The following INTS12 variants were observed in gnomAD, a reference collection of about 807,000 sequenced individuals.
INTS12 encodes PHD finger protein 22.
INTS12 carries 13 observed loss-of-function variants against 41.6 expected under a neutral mutation model. The ratio of observed to expected loss-of-function variants is 0.31; its 90% CI spans 0.20 to 0.50. The LOEUF (loss-of-function observed/expected upper bound fraction) is 0.50. Among genes scored for constraint, INTS12 ranks in the 20% least tolerant of loss-of-function variants. INTS12 has a pLI of 0.98. For missense variants in INTS12, 432 were observed against 541.6 expected (o/e 0.80, Z 2.01); for synonymous variants, 199 against 191.4 (o/e 1.04, Z -0.33).
chr4:105,708,325 CAATG>C, intron 1 of INTS12: 1 of 985,546 alleles, frequency 1.0e-6, no homozygotes. Flanking sequence ...AGATGAGAGA[CAATG>C]AGGGAGCTAC....
intron 1 of INTS12, chr4:105,705,758 T>G (rs940889600): frequency 3.3e-5 from 5 of 152,256 alleles, no homozygotes; most frequent in Non-Finnish European, 7.3e-5. Context: ...TTTCAGTTTT[T>G]CCTGCACATT....
At chr4:105,704,187 C>T (rs1732183259) in intron 1 of INTS12, among the ~76,000 whole-genome samples, 1 of 152,102 alleles carries the variant, frequency 6.6e-6, no homozygotes, top group African/African-American at 2.4e-5. Flanking sequence ...CAGCCTTTGT[C>T]CCACTATTCC....
chr4:105,695,398 GATTATTATATACCTATACCC>G, intron 4 of INTS12, 98 bp downstream of exon 4: 1 of 676,576 alleles, frequency 1.5e-6, no homozygotes, highest in Non-Finnish European at 2.3e-6. Flanking sequence ...ACTGAGTGTT[GATTATTATATACCTATACCC>G]ATTATTATAT....
At chr4:105,700,124 T>A in intron 2 of INTS12, 110 bp from the exon 3 acceptor site, 1 of 634,098 alleles carries the variant, frequency 1.6e-6, no homozygotes, top group Non-Finnish European at 2.3e-6. Context: ...ACACATGATA[T>A]AAAATTTAAA....
intron 5 of INTS12, among the ~76,000 whole-genome samples, chr4:105,692,846 G>A (rs1209480206): frequency 2.0e-5 from 3 of 152,174 alleles, no homozygotes; most frequent in Non-Finnish European, 4.4e-5. Flanking sequence ...CTAAAGGTGA[G>A]TACTGGACCT....
At position 105,686,717 on chromosome 4, in the gene INTS12, A is replaced by C; in HGVS notation, c.779T>G (p.Leu260Arg). ...ETKLKQETTF[L>R]AFKRTEVKTS... ...CTTGACTTCTGTTCTCTTAAACGCT[A>C]GAAAAGTTGTCTCTTGTTTCAGTTT... Residue 260 changes from leucine (L) to arginine (R), a missense_variant, in exon 7 of 8, where the codon CTA (leucine) becomes CGA (arginine). By Grantham distance (102) the Leu-to-Arg change is moderately radical. Transcript: ENST00000340139. The C allele has an allele frequency of 6.2e-7, 1 of 1,612,954 alleles. No individual in the cohort carries two copies. The highest frequency in any genetic ancestry group is 8.5e-7 in the Non-Finnish European group (1 of 1,179,146).
At chr4:105,697,798 C>T (rs796365876) in intron 3 of INTS12, among the ~76,000 whole-genome samples, 1 of 151,996 alleles carries the variant, frequency 6.6e-6, no homozygotes, top group Non-Finnish European at 1.5e-5. Flanking sequence ...GCCTGTAATC[C>T]CAGCACTTTG....
At chr4:105,708,247 A>G (rs1732372053) in intron 1 of INTS12, 1 of 985,438 alleles carries the variant, frequency 1.0e-6, no homozygotes, top group African/African-American at 1.7e-5. Context: ...AGGAATGTCA[A>G]TCCTTTGATC....
chr4:105,687,355 A>T (rs569018904), intron 6 of INTS12, among the ~76,000 whole-genome samples: 1 of 152,214 alleles, frequency 6.6e-6, no homozygotes, highest in Non-Finnish European at 1.5e-5. Flanking sequence ...AGGTTTTTCC[A>T]CATTGCAAAA....
chr4:105,708,562 C>CT lies in INTS12; in HGVS notation c.-172+75dup, dbSNP rs1732389752. 3.0e-6 allele frequency: 3 copies of CT among 985,224 alleles called. No homozygotes were observed. The South Asian group carries it at 1.4e-4, about 46-fold the overall frequency. 61.0% of individuals were successfully genotyped at this position (985,224 alleles called of 1,614,324 possible). ...AGGAAACTAATACCCCACGTAGCTA[C>CT]TCTCCCACCTCGCTCCTGGCGCGGG... On this transcript the variant is annotated intron_variant, in intron 1 of 7. Transcript: ENST00000340139.
At chr4:105,702,186 A>G (rs1351170920) in intron 2 of INTS12, among the ~76,000 whole-genome samples, 13 of 121,208 alleles carry the variant, frequency 1.1e-4, no homozygotes, top group South Asian at 2.6e-4. Flanking sequence ...CCCAGGCTGG[A>G]GTGCAGTGGC....
intron 6 of INTS12, among the ~76,000 whole-genome samples, chr4:105,688,097 A>C (rs1731557200): frequency 6.6e-6 from 1 of 152,232 alleles, no homozygotes; most frequent in African/African-American, 2.4e-5. Context: ...TATGAGGATG[A>C]ATTATGATTA....
At chr4:105,695,911 T>A (rs1214276269) in intron 3 of INTS12, among the ~76,000 whole-genome samples, 1 of 152,148 alleles carries the variant, frequency 6.6e-6, no homozygotes. Flanking sequence ...TGGAGTGCTG[T>A]GGCACAGTCT....
At chr4:105,687,223 G>A (rs1439065022) in intron 6 of INTS12, 5 of 211,864 alleles carry the variant, frequency 2.4e-5, no homozygotes, top group African/African-American at 7.2e-5. Context: ...TCTTCTTGGG[G>A]TCTAGGCATA....
chr4:105,700,560 C>G (rs1732029941), intron 2 of INTS12, among the ~76,000 whole-genome samples: 1 of 149,622 alleles, frequency 6.7e-6, no homozygotes, highest in African/African-American at 2.5e-5. Flanking sequence ...TCTAAACTCA[C>G]CTCTTCAGTT....
intron 7 of INTS12, 113 bp from the exon 8 acceptor site, chr4:105,683,430 T>C (rs1731395729): frequency 6.2e-6 from 5 of 809,162 alleles, no homozygotes; most frequent in Non-Finnish European, 9.4e-6. Context: ...TAGGTTCTTA[T>C]GAAGCTGATC....
chr4:105,702,724 G>A (rs1357145761), intron 2 of INTS12, among the ~76,000 whole-genome samples: 4 of 152,108 alleles, frequency 2.6e-5, no homozygotes, highest in South Asian at 2.1e-4. Flanking sequence ...CTTGTTCTTT[G>A]TTACAGAAGC....
At chr4:105,702,585 C>A (rs1483213846) in intron 2 of INTS12, among the ~76,000 whole-genome samples, 2 of 152,158 alleles carry the variant, frequency 1.3e-5, no homozygotes, top group Non-Finnish European at 2.9e-5. Flanking sequence ...TCTTTTATTA[C>A]AATCAATTCT....
intron 2 of INTS12, among the ~76,000 whole-genome samples, chr4:105,702,381 C>T (rs1457312331): frequency 6.6e-6 from 1 of 152,064 alleles, no homozygotes; most frequent in South Asian, 2.1e-4. Context: ...TGTGATCCAC[C>T]CGCCTCGGCC....
Sources: gnomAD v4.1 joint callset for allele counts (sites outside exome capture counted in the v4.1 genomes callset) on GRCh38, gnomAD v4.1.1 for gene constraint, MANE v1.5 for transcripts, NCBI Gene and HGNC (gene_info 2026-07-23, HGNC 2026-07-21) for gene names.